Variants in ZNF169 observed in about 807,000 individuals in gnomAD.
The protein encoded by ZNF169 is zinc finger protein 169.
ZNF169 carries 11 observed loss-of-function variants against 12.0 expected under a neutral mutation model. The observed-to-expected ratio is 0.92, with a 90% CI of 0.58 to 1.52. The LOEUF (loss-of-function observed/expected upper bound fraction) is 1.52, where lower values mean the gene tolerates loss of function less well. ZNF169 is among the 40% of genes most tolerant of loss of function. The pLI, the probability that ZNF169 is intolerant of heterozygous loss-of-function variation, is 0.00. For missense variants in ZNF169, 722 were observed against 744.0 expected (o/e 0.97, Z 0.34); for synonymous variants, 302 against 286.5 (o/e 1.05, Z -0.55).
chr9:94,301,085 AG>A lies in ZNF169; in HGVS notation c.1528del (p.Glu510ArgfsTer6), dbSNP rs779876648. The A allele has an allele frequency of 6.2e-7, 1 of 1,613,942 alleles. No homozygotes were observed. The highest frequency in any genetic ancestry group is 1.7e-5 in the Admixed American group (1 of 60,012). On this transcript the variant is annotated frameshift_variant, in exon 5 of 5. Transcript: ENST00000395395. LOFTEE classifies it low-confidence loss of function (END_TRUNC). ...LLTRHQRTHS[E>X]EELYVDRVCG... ...TCACCCGACACCAGAGGACACACTC[AG>A]AGGAGGAGCTTTACGTAGACAGGGT... is the stretch of plus-strand genomic sequence containing the variant.
intron 1 of ZNF169, among the ~76,000 whole-genome samples, chr9:94,275,052 A>G (rs550420657): frequency 3.3e-4 from 50 of 152,280 alleles, no homozygotes; most frequent in Non-Finnish European, 5.7e-4. Context: ...CAGCCTGGAC[A>G]AACAGTGAGA....
intron 2 of ZNF169, among the ~76,000 whole-genome samples, chr9:94,288,871 G>C (rs1047804432): frequency 1.3e-5 from 2 of 152,062 alleles, no homozygotes; most frequent in African/African-American, 4.8e-5. Context: ...TTTATAGCAG[G>C]GTCCCCTGAA....
intron 2 of ZNF169, among the ~76,000 whole-genome samples, chr9:94,290,902 A>G (rs1830815602): frequency 6.6e-6 from 1 of 152,038 alleles, no homozygotes; most frequent in Non-Finnish European, 1.5e-5. Context: ...AAAGTTTCCA[A>G]TTTCTCCATA....
chr9:94,274,015 G>A (rs979326534), intron 1 of ZNF169, among the ~76,000 whole-genome samples: 8 of 152,334 alleles, frequency 5.3e-5, no homozygotes, highest in African/African-American at 1.9e-4. Context: ...GAAGATAGAA[G>A]TCCAAGATCA....
intron 3 of ZNF169, chr9:94,292,689 C>A: frequency 1.5e-6 from 1 of 676,920 alleles, no homozygotes; most frequent in Non-Finnish European, 2.4e-6. Flanking sequence ...CTGCATTTTT[C>A]AGGCCTGTTT....
chr9:94,279,480 C>G (rs760395805), intron 2 of ZNF169, among the ~76,000 whole-genome samples: 2 of 151,332 alleles, frequency 1.3e-5, no homozygotes, highest in South Asian at 4.2e-4. Context: ...GGGGAAGAGA[C>G]TGCTGTGAAA....
intron 4 of ZNF169, among the ~76,000 whole-genome samples, chr9:94,297,407 G>A (rs1165655376): frequency 1.3e-5 from 2 of 152,102 alleles, no homozygotes; most frequent in African/African-American, 2.4e-5. Context: ...TCAATTTTCA[G>A]TTGTTTATTG....
At chr9:94,261,046 G>C (rs112248605) in intron 1 of ZNF169, among the ~76,000 whole-genome samples, 1,424 of 140,202 alleles carry the variant, frequency 0.01, 14 homozygotes, top group Middle Eastern at 0.019. Flanking sequence ...TTGTTTGTTT[G>C]TTTTGAGAGG....
chr9:94,286,217 G>T (rs1360338718), intron 2 of ZNF169, among the ~76,000 whole-genome samples: 1 of 152,152 alleles, frequency 6.6e-6, no homozygotes, highest in Non-Finnish European at 1.5e-5. Flanking sequence ...TATTACTGAA[G>T]AATTACAGAG....
chr9:94,266,941 ACT>A (rs1038747696), intron 1 of ZNF169, among the ~76,000 whole-genome samples: 4 of 143,256 alleles, frequency 2.8e-5, no homozygotes, highest in African/African-American at 1.0e-4. Flanking sequence ...ACAGAGTCTC[ACT>A]CTGTCACCAG....
rs1041896240 is a variant in ZNF169 at position 94,276,175 on chromosome 9, T to A, written c.-55-2583T>A. Among the ~76,000 whole-genome samples the A allele has an allele frequency of 3.3e-5, 5 of 152,202 alleles. No homozygotes were observed. In the South Asian group the frequency reaches 6.2e-4, roughly 19 times the overall value. The stretch of plus-strand genomic sequence containing the variant: ...CTTAATACAATTTATACTGATTTTT[T>A]AAATGTTGTCTAATATCTAATCATG... On this transcript the variant is annotated intron_variant, in intron 1 of 4. Coordinates refer to ENST00000395395, the MANE Select transcript of ZNF169 (RefSeq NM_194320.4).
chr9:94,278,506 C>T (rs963427421), intron 1 of ZNF169, among the ~76,000 whole-genome samples: 2 of 152,222 alleles, frequency 1.3e-5, no homozygotes, highest in Non-Finnish European at 2.9e-5. Flanking sequence ...GGAGTCCACA[C>T]AAAGTCTCAC....
At chr9:94,263,543 G>T (rs1830241022) in intron 1 of ZNF169, among the ~76,000 whole-genome samples, 1 of 147,726 alleles carries the variant, frequency 6.8e-6, no homozygotes. Context: ...AATCTATTCT[G>T]ATAATCTGTG....
intron 1 of ZNF169, among the ~76,000 whole-genome samples, chr9:94,277,054 A>G (rs982067799): frequency 1.3e-5 from 2 of 152,244 alleles, no homozygotes; most frequent in African/African-American, 4.8e-5. Context: ...TTAGGGAAGT[A>G]TGAAACATAA....
chr9:94,301,440 A>G lies in ZNF169; in HGVS notation c.*70A>G. On this transcript the variant is annotated 3_prime_UTR_variant, in exon 5 of 5. Transcript: ENST00000395395. ...AAATGCTTCAGTTTCCTGAAATGGA[A>G]TGGAAAAAAAAAAATGTTGCTTTCT... 1 of 1,458,734 alleles carries G rather than the reference A, an allele frequency of 6.9e-7. No homozygotes were observed. The highest frequency in any genetic ancestry group is 9.1e-7 in the Non-Finnish European group (1 of 1,103,892). 90.4% of individuals were successfully genotyped at this position (1,458,734 alleles called of 1,614,324 possible).
intron 1 of ZNF169, among the ~76,000 whole-genome samples, chr9:94,274,788 C>T (rs980564932): frequency 5.3e-5 from 8 of 152,178 alleles, no homozygotes; most frequent in South Asian, 2.1e-4. Flanking sequence ...AAGAAATACA[C>T]TGGTTTGGTT....
At chr9:94,289,826 C>T (rs945115210) in intron 2 of ZNF169, among the ~76,000 whole-genome samples, 2 of 151,912 alleles carry the variant, frequency 1.3e-5, no homozygotes, top group African/African-American at 4.8e-5. Flanking sequence ...CACTAAGAAA[C>T]ACTGTAGGCA....
At position 94,270,798 on chromosome 9, in the gene ZNF169, AT is replaced by A. The variant is rs1321818222; in HGVS notation, c.-55-7959del. Among the ~76,000 whole-genome samples the A allele has an allele frequency of 2.1e-4, 11 of 52,358 alleles. 1 individual carries two copies. The East Asian group carries it at 3.8e-3, about 18-fold the overall frequency. 34.3% of individuals were successfully genotyped at this position (52,358 alleles called of 152,430 possible). Reference sequence around the variant, plus strand: ...TATATTATATAAATATATATAAATAATATATATATTATATTATATAAATATA... The same window carrying A: ...TATATTATATAAATATATATAAATAAATATATATTATATTATATAAATATA... On this transcript the variant is annotated intron_variant, in intron 1 of 4. Transcript: ENST00000395395.
intron 4 of ZNF169, among the ~76,000 whole-genome samples, chr9:94,298,705 G>A (rs1467112774): frequency 6.8e-6 from 1 of 147,304 alleles, no homozygotes; most frequent in Non-Finnish European, 1.5e-5. Context: ...CTCCAGCCTG[G>A]GCAACAGAGC....
Sources: allele counts gnomAD v4.1 joint callset (sites outside exome capture counted in the v4.1 genomes callset), GRCh38; gene constraint gnomAD v4.1.1; transcripts MANE v1.5; gene names NCBI Gene and HGNC (gene_info 2026-07-23, HGNC 2026-07-21).